Variants in MET observed in about 807,000 individuals in gnomAD.
The protein encoded by MET is MET proto-oncogene, receptor tyrosine kinase.
In MET, 48 loss-of-function variants were observed where a neutral mutation model predicts 133.1. The ratio of observed to expected loss-of-function variants is 0.36; its 90% CI spans 0.29 to 0.46. The LOEUF (loss-of-function observed/expected upper bound fraction) is 0.46. MET is among the 20% of genes least tolerant of loss of function. The pLI is 1.00. For synonymous variants in MET, 628 were observed against 616.5 expected (o/e 1.02, Z -0.28); for missense variants, 1,442 against 1,695.9 (o/e 0.85, Z 2.63).
chr7:116,790,333 G>A (rs1026290900), intron 19 of MET, among the ~76,000 whole-genome samples: 1 of 152,130 alleles, frequency 6.6e-6, no homozygotes, highest in Non-Finnish European at 1.5e-5. Context: ...GACTACTTCA[G>A]ATACCTCATA....
chr7:116,691,790 T>C (rs757405950), intron 1 of MET, among the ~76,000 whole-genome samples: 63 of 152,258 alleles, frequency 4.1e-4, no homozygotes, highest in Non-Finnish European at 7.5e-4. Context: ...ATATTAAATC[T>C]CCAAAGAGAT....
chr7:116,788,817 G>T (rs1230731097), intron 19 of MET, among the ~76,000 whole-genome samples: 1 of 152,198 alleles, frequency 6.6e-6, no homozygotes, highest in Non-Finnish European at 1.5e-5. Context: ...TTGCCTGCTT[G>T]TAGATTGGGT....
At chr7:116,754,984 G>GAAAGAAAGAAAGAAAGAA (rs1278690740) in intron 5 of MET, among the ~76,000 whole-genome samples, 1 of 6,070 alleles carries the variant, frequency 1.6e-4, no homozygotes, top group Non-Finnish European at 3.4e-4. Flanking sequence ...GCAGAGAAAG[G>GAAAGAAAGAAAGAAAGAA]AAAGAAAGAA....
intron 5 of MET, among the ~76,000 whole-genome samples, chr7:116,743,523 A>G (rs1034648942): frequency 6.6e-6 from 1 of 152,230 alleles, no homozygotes; most frequent in African/African-American, 2.4e-5. Context: ...TTGACCTGGG[A>G]TGCTGGAGCT....
intron 5 of MET, among the ~76,000 whole-genome samples, chr7:116,752,123 G>T (rs1041769196): frequency 2.6e-5 from 4 of 152,094 alleles, no homozygotes; most frequent in Non-Finnish European, 5.9e-5. Context: ...ACTATTCATT[G>T]ATCAGAATAC....
rs980467681 is a variant in MET, at chr7:116,763,060, A to C, written c.2375A>C (p.His792Pro). 13 of 1,613,834 alleles carry C rather than the reference A, an allele frequency of 8.1e-6. No individual in the cohort carries two copies. The African/African-American group carries it at 1.7e-4, about 22-fold the overall frequency. The change falls in exon 11 of 21, where the codon CAT becomes CCT. Residue 792 changes from histidine to proline, a missense_variant. Physicochemically the swap from His to Pro is moderately conservative, Grantham distance 77 (BLOSUM62 -2). Transcript: ENST00000397752. Reference protein sequence around the residue: ...AGRNFTVACQHRSNSEIICCT... With the variant: ...AGRNFTVACQPRSNSEIICCT... ...TGTGTCTTTCTCTAGGCATGTCAAC[A>C]TCGCTCTAATTCAGAGATAATCTGT...
chr7:116,700,032 A>G lies in MET; in HGVS notation c.948A>G (p.Ile316Met), dbSNP rs35225896. 1.4e-3 allele frequency: 2,179 copies of G among 1,614,038 alleles called. 16 individuals carry two copies. The African/African-American group carries it at 0.021, about 15-fold the overall frequency. The change falls in exon 2 of 21, where the codon ATA becomes ATG. Residue 316 changes from isoleucine (I) to methionine (M), a missense_variant. By Grantham distance (10) the Ile-to-Met change is conservative. This residue lies in a region of MET where 762 missense variants were observed against 792.4 expected (regional missense o/e 0.96). Coordinates refer to ENST00000397752, the MANE Select transcript of MET (RefSeq NM_000245.4). ...KRSTKKEVFNILQAAYVSKPG... is the reference protein window; with the variant it reads ...KRSTKKEVFNMLQAAYVSKPG... ...CCACAAAGAAGGAAGTGTTTAATAT[A>G]CTTCAGGCTGCGTATGTCAGCAAGC...
chr7:116,743,324 G>A (rs546306912), intron 5 of MET, among the ~76,000 whole-genome samples: 11 of 152,274 alleles, frequency 7.2e-5, no homozygotes, highest in African/African-American at 1.9e-4. Context: ...GGCAGACACC[G>A]AGCAGGAGTT....
In MET at chr7:116,769,503, A is replaced by G. The variant is rs1383431312; in HGVS notation, c.2584-142A>G. On this transcript the variant is annotated intron_variant, in intron 11 of 20. Coordinates refer to ENST00000397752, the MANE Select transcript of MET (RefSeq NM_000245.4). ...CTCCCCTTTAGCCATCCCAATTCCC[A>G]TGAAAATTAGTATCATAGAATCGTG... 9.8e-6 allele frequency: 10 copies of G among 1,025,620 alleles called. No homozygotes were observed. The South Asian group carries it at 1.1e-4, about 11-fold the overall frequency. The allele number at this position is 1,025,620 out of a possible 1,614,324, so 63.5% of individuals were successfully genotyped here.
At chr7:116,693,029 T>A (rs975019617) in intron 1 of MET, among the ~76,000 whole-genome samples, 1 of 152,114 alleles carries the variant, frequency 6.6e-6, no homozygotes, top group Non-Finnish European at 1.5e-5. Flanking sequence ...AGGACAAAAA[T>A]ATATGAAAAG....
chr7:116,685,134 T>C (rs973917018), intron 1 of MET, among the ~76,000 whole-genome samples: 1 of 152,182 alleles, frequency 6.6e-6, no homozygotes, highest in African/African-American at 2.4e-5. Flanking sequence ...ATCCAACTGC[T>C]CCTTCTTGGT....
chr7:116,797,697 A>G lies in MET; in HGVS notation c.*1573A>G, dbSNP rs887587790. ...GCCACAAAAACACTGCACTGTGAAC[A>G]TTTTAGAAAAGGTATGTCAGACTGG... On this transcript the variant is annotated 3_prime_UTR_variant, in exon 21 of 21. Coordinates refer to ENST00000397752, the MANE Select transcript of MET (RefSeq NM_000245.4). 8.8e-6 allele frequency: 2 copies of G among 227,288 alleles called. No individual in the cohort carries two copies. Among genetic ancestry groups the G allele is most frequent in the Non-Finnish European group, 1.8e-5 (2 of 114,150 alleles). 14.1% of individuals were successfully genotyped at this position (227,288 alleles called of 1,614,324 possible).
chr7:116,770,764 C>G (rs193114393), intron 12 of MET, among the ~76,000 whole-genome samples: 2 of 152,236 alleles, frequency 1.3e-5, no homozygotes, highest in South Asian at 4.1e-4. Flanking sequence ...TAGCCTGTGT[C>G]GGTACTTCAT....
chr7:116,679,278 A>G (rs915280989), intron 1 of MET, among the ~76,000 whole-genome samples: 5 of 152,176 alleles, frequency 3.3e-5, no homozygotes, highest in Admixed American at 6.5e-5. Context: ...ATTGATATCC[A>G]TCTGTCATAC....
intron 3 of MET, among the ~76,000 whole-genome samples, chr7:116,736,312 G>T (rs1339324747): frequency 1.3e-5 from 2 of 151,468 alleles, no homozygotes; most frequent in African/African-American, 4.9e-5. Context: ...GGGATGTGGG[G>T]CTTCTTTTTG....
At chr7:116,791,674 T>C (rs1368363729) in intron 19 of MET, among the ~76,000 whole-genome samples, 1 of 152,194 alleles carries the variant, frequency 6.6e-6, no homozygotes, top group African/African-American at 2.4e-5. Context: ...ATGCATTTTT[T>C]TTTCTTTTGG....
intron 15 of MET, among the ~76,000 whole-genome samples, chr7:116,776,475 C>G (rs1794997745): frequency 6.6e-6 from 1 of 152,232 alleles, no homozygotes; most frequent in East Asian, 1.9e-4. Flanking sequence ...ATGAAAGGTA[C>G]TAAAATGGCA....
At chr7:116,701,315 T>G (rs1328963556) in intron 2 of MET, among the ~76,000 whole-genome samples, 2 of 152,162 alleles carry the variant, frequency 1.3e-5, no homozygotes, top group African/African-American at 4.8e-5. Flanking sequence ...TTTCACTTAC[T>G]TTAACAGGTT....
chr7:116,766,518 TC>T (rs1451475764), intron 11 of MET, among the ~76,000 whole-genome samples: 2 of 152,184 alleles, frequency 1.3e-5, no homozygotes, highest in African/African-American at 4.8e-5. Flanking sequence ...CCAGATGTTG[TC>T]CTTCTCCCTT....
Sources: gnomAD v4.1 joint callset for allele counts (sites outside exome capture counted in the v4.1 genomes callset) on GRCh38, gnomAD v4.1.1 for gene constraint, gnomAD v4.1.1 regional missense constraint, MANE v1.5 for transcripts, NCBI Gene and HGNC (gene_info 2026-07-23, HGNC 2026-07-21) for gene names.